Variants in OSBPL10 observed in about 807,000 individuals in gnomAD.
OSBPL10 encodes the protein oxysterol binding protein like 10.
Under a neutral mutation model 81.7 loss-of-function variants are expected in OSBPL10, and 49 were observed. The ratio of observed to expected loss-of-function variants is 0.60; its 90% CI spans 0.48 to 0.76. The LOEUF is 0.76. OSBPL10 is among the 30% of genes least tolerant of loss of function. OSBPL10 has a pLI of 0.00. For synonymous variants in OSBPL10, 419 were observed against 383.6 expected, an observed-to-expected ratio of 1.09 and a Z score of -1.08; for missense variants, 923 against 987.8, an observed-to-expected ratio of 0.93 and a Z score of 0.88.
chr3:31,830,334 T>C, intron 3 of OSBPL10, 103 bp from the exon 4 acceptor site: 1 of 1,199,230 alleles, frequency 8.3e-7, no homozygotes, highest in South Asian at 1.6e-5. Flanking sequence ...CCCCTTCCTC[T>C]CTTTAGGGAG....
chr3:31,811,630 T>C (rs1455271111), intron 4 of OSBPL10, among the ~76,000 whole-genome samples: 1 of 152,192 alleles, frequency 6.6e-6, no homozygotes. Flanking sequence ...GCAACACAGT[T>C]CATAACAGGA....
At chr3:32,046,194 C>T (rs1023805394) in intron 2 of OSBPL10, among the ~76,000 whole-genome samples, 1 of 152,162 alleles carries the variant, frequency 6.6e-6, no homozygotes, top group African/African-American at 2.4e-5. Flanking sequence ...ATGGTGATAC[C>T]ACTGGACTCC....
intron 1 of OSBPL10, among the ~76,000 whole-genome samples, chr3:31,935,514 A>T (rs897623150): frequency 1.4e-5 from 2 of 144,450 alleles, no homozygotes; most frequent in South Asian, 2.2e-4. Flanking sequence ...TATGAAATAG[A>T]TTTTTTTTTT....
At position 31,954,392 on chromosome 3, in the gene OSBPL10, T is replaced by C. The variant is rs570666356; in HGVS notation, c.281+26507A>G. 5.3e-5 allele frequency among the ~76,000 whole-genome samples: 8 copies of C among 152,350 alleles called. No individual in the cohort carries two copies. The East Asian group carries it at 1.3e-3, about 26-fold the overall frequency. ...CATGAGGAGGGCTTCTGGTTCTTTC[T>C]ACTTGCAGCAATCAGGCATAATTTT... On this transcript the variant is annotated intron_variant, in intron 1 of 11. Coordinates refer to ENST00000396556, the MANE Select transcript of OSBPL10 (RefSeq NM_017784.5).
chr3:31,962,277 C>T (rs12489744), intron 1 of OSBPL10, among the ~76,000 whole-genome samples: 38,820 of 152,048 alleles, frequency 0.26, 8,390 homozygotes, highest in African/African-American at 0.57. Flanking sequence ...ATTTTGGATT[C>T]GAGGTCCTGT....
intron 7 of OSBPL10, among the ~76,000 whole-genome samples, chr3:31,694,639 A>C (rs1695660705): frequency 1.3e-5 from 2 of 152,122 alleles, no homozygotes; most frequent in African/African-American, 4.8e-5. Context: ...GCTGATTTAG[A>C]AGGTCTAAAA....
At chr3:31,695,809 T>G (rs1695702053) in intron 7 of OSBPL10, among the ~76,000 whole-genome samples, 1 of 152,172 alleles carries the variant, frequency 6.6e-6, no homozygotes, top group African/African-American at 2.4e-5. Flanking sequence ...CCTTTGCTCT[T>G]TATCACTCTC....
At chr3:31,980,850 C>A in intron 1 of OSBPL10, 49 bp downstream of exon 1, 1 of 1,508,134 alleles carries the variant, frequency 6.6e-7, no homozygotes, top group Non-Finnish European at 8.8e-7. Flanking sequence ...CGCACACACA[C>A]ACACACACAC....
intron 2 of OSBPL10, among the ~76,000 whole-genome samples, chr3:32,003,594 C>A (rs1699173695): frequency 6.6e-6 from 1 of 152,212 alleles, no homozygotes. Flanking sequence ...TGGGTGGTAT[C>A]ATTCAAGGTC....
At chr3:31,942,406 G>A (rs1291121142) in intron 1 of OSBPL10, among the ~76,000 whole-genome samples, 5 of 150,674 alleles carry the variant, frequency 3.3e-5, no homozygotes, top group South Asian at 2.1e-4. Flanking sequence ...GCTGGGTGGC[G>A]GGCACCTGTA....
At position 31,661,936 on chromosome 3, in the gene OSBPL10, T is replaced by G. The variant is rs1254687820; in HGVS notation, c.*136A>C. The stretch of plus-strand genomic sequence containing the variant: ...GTGGGGGTGCACTTTTCATAGTATA[T>G]AATTTCTCTCTCTCTCATCATTTCT... On this transcript the variant is annotated 3_prime_UTR_variant, in exon 12 of 12. Coordinates refer to ENST00000396556, the MANE Select transcript of OSBPL10 (RefSeq NM_017784.5). 7.6e-7 allele frequency: 1 copy of G among 1,314,942 alleles called. No individual in the cohort carries two copies. Among genetic ancestry groups the G allele is most frequent in the East Asian group, 2.3e-5 (1 of 42,664 alleles). The allele number at this position is 1,314,942 out of a possible 1,614,324, so 81.5% of individuals were successfully genotyped here.
intron 3 of OSBPL10, among the ~76,000 whole-genome samples, chr3:31,871,344 C>T (rs1287470617): frequency 1.3e-5 from 2 of 152,112 alleles, no homozygotes; most frequent in Admixed American, 1.3e-4. Context: ...AGGACTGCAG[C>T]TTCCCTCCTG....
At chr3:31,830,265 C>A (rs1260984868) in intron 3 of OSBPL10, 34 bp from the exon 4 acceptor site, 2 of 1,583,102 alleles carry the variant, frequency 1.3e-6, no homozygotes, top group South Asian at 2.3e-5. Context: ...AACTCAACAA[C>A]TGACCTGCAG....
intron 1 of OSBPL10, among the ~76,000 whole-genome samples, chr3:31,900,481 T>C (rs936222142): frequency 6.6e-6 from 1 of 152,248 alleles, no homozygotes; most frequent in South Asian, 2.1e-4. Flanking sequence ...ACCCCTGGCC[T>C]CTCCTCAGAC....
intron 1 of OSBPL10, among the ~76,000 whole-genome samples, chr3:31,965,677 T>TATA (rs1698348373): frequency 4.0e-5 from 2 of 50,222 alleles, no homozygotes; most frequent in Non-Finnish European, 5.9e-5. Context: ...TTTTATATAA[T>TATA]ATATATTATA....
chr3:31,937,049 T>C (rs575812475), intron 1 of OSBPL10, among the ~76,000 whole-genome samples: 2 of 151,724 alleles, frequency 1.3e-5, no homozygotes, highest in African/African-American at 4.8e-5. Flanking sequence ...CTTTGGGAGG[T>C]TGAGGCAGGC....
intron 1 of OSBPL10, among the ~76,000 whole-genome samples, chr3:31,895,364 C>T (rs1250495789): frequency 1.3e-5 from 2 of 151,742 alleles, no homozygotes; most frequent in Non-Finnish European, 2.9e-5. Context: ...GTCTTGATCT[C>T]CTGACCTCAT....
rs150791780 is a variant in OSBPL10 at position 31,900,278 on chromosome 3, A to G, written c.282-20448T>C. On this transcript the variant is annotated intron_variant, in intron 1 of 11. Transcript: ENST00000396556. ...GGCTGGTCTCGAACTCCTCAGCTCAAGAGATCCACTCACCTTGGCCTCCCA... is the reference window on the plus strand; with the variant it reads ...GGCTGGTCTCGAACTCCTCAGCTCAGGAGATCCACTCACCTTGGCCTCCCA... Among the ~76,000 whole-genome samples, 1,039 of 152,218 alleles carry G rather than the reference A, an allele frequency of 6.8e-3. 10 individuals carry two copies. The highest frequency in any genetic ancestry group is 0.02 in the African/African-American group (829 of 41,542).
chr3:32,075,388 T>C (rs1699864938), intron 1 of OSBPL10, among the ~76,000 whole-genome samples: 1 of 152,142 alleles, frequency 6.6e-6, no homozygotes, highest in Non-Finnish European at 1.5e-5. Flanking sequence ...AACAATAACA[T>C]TGAACCCCCT....
Sources: gnomAD v4.1 joint callset for allele counts (sites outside exome capture counted in the v4.1 genomes callset) on GRCh38, gnomAD v4.1.1 for gene constraint, MANE v1.5 for transcripts, NCBI Gene and HGNC (gene_info 2026-07-23, HGNC 2026-07-21) for gene names.